WDR64: variants seen among roughly 807,000 people sequenced by gnomAD.
WDR64 encodes WD repeat-containing protein 64.
Under a neutral mutation model 139.3 loss-of-function variants are expected in WDR64, and 112 were observed. The ratio of observed to expected loss-of-function variants is 0.80; its 90% CI spans 0.69 to 0.94. WDR64 has a LOEUF of 0.94. Ranked by LOEUF, WDR64 falls within the 40% of genes least tolerant of loss-of-function variation. The probability of loss-of-function intolerance (pLI) is 0.00; values close to 1 mark genes in which losing one functional copy is unlikely to be tolerated. For synonymous variants in WDR64, 444 were observed against 437.7 expected, an observed-to-expected ratio of 1.01 and a Z score of -0.18; for missense variants, 1,206 against 1,293.1, an observed-to-expected ratio of 0.93 and a Z score of 1.03.
At chr1:241,790,742 A>C in intron 25 of WDR64, 46 bp downstream of exon 25, 1 of 1,408,860 alleles carries the variant, frequency 7.1e-7, no homozygotes, top group Non-Finnish European at 9.7e-7. Context: ...CAACAACAAA[A>C]CCTTTGCTTT....
At chr1:241,795,667 G>T (rs915507431) in intron 26 of WDR64, among the ~76,000 whole-genome samples, 1 of 151,946 alleles carries the variant, frequency 6.6e-6, no homozygotes, top group Admixed American at 6.6e-5. Flanking sequence ...AAGCATCACT[G>T]GTCTCTCTAA....
At position 241,787,873 on chromosome 1, in the gene WDR64, T is replaced by C. The variant is rs770120386; in HGVS notation, c.2730T>C (p.His910=). ...SVRLWHALNG[H]YCGYFGQRRL... is the part of the protein sequence containing the mutation. ...GGCTCTGGCATGCCCTCAATGGACA[T>C]TATTGTGGATATTTTGGACAGCGAA... The change falls in exon 24 of 28, where the codon CAT becomes CAC. Residue 910 remains histidine, a synonymous_variant. Coordinates refer to ENST00000437684, the MANE Select transcript of WDR64 (RefSeq NM_001367482.1). The C allele has an allele frequency of 1.1e-5, 17 of 1,602,696 alleles. No homozygotes were observed. Among genetic ancestry groups the C allele is most frequent in the African/African-American group, 4.1e-5 (3 of 74,066 alleles).
chr1:241,738,257 T>C (rs1290451799), intron 10 of WDR64, 106 bp from the exon 11 acceptor site: 41 of 1,334,084 alleles, frequency 3.1e-5, no homozygotes, highest in Non-Finnish European at 3.8e-5. Flanking sequence ...AATACTTTGG[T>C]ATAAGTTTAT....
chr1:241,706,785 A>AT (rs1178880838), intron 8 of WDR64, among the ~76,000 whole-genome samples: 7 of 152,248 alleles, frequency 4.6e-5, no homozygotes, highest in Non-Finnish European at 7.4e-5. Flanking sequence ...TAAAAATCAA[A>AT]TTTTTTCAGG....
At chr1:241,715,083 G>GT (rs1366581153) in intron 9 of WDR64, among the ~76,000 whole-genome samples, 1 of 152,172 alleles carries the variant, frequency 6.6e-6, no homozygotes, top group Non-Finnish European at 1.5e-5. Flanking sequence ...TAAGACTCAA[G>GT]TGAGGACATG....
chr1:241,762,397 ACCT>A (rs1383104813), intron 15 of WDR64, among the ~76,000 whole-genome samples: 1 of 152,050 alleles, frequency 6.6e-6, no homozygotes, highest in East Asian at 1.9e-4. Flanking sequence ...ATATGCTTAC[ACCT>A]CCTCAACAAG....
chr1:241,757,392 G>A lies in WDR64; in HGVS notation c.1880G>A (p.Arg627Lys), dbSNP rs745684880. The A allele has an allele frequency of 1.2e-6, 2 of 1,614,004 alleles. No individual in the cohort carries two copies. The highest frequency in any genetic ancestry group is 3.3e-5 in the Admixed American group (2 of 60,008). Residue 627 changes from arginine to lysine, a missense_variant, in exon 15 of 28, where the codon AGG (arginine) becomes AAG (lysine). By Grantham distance (26) the Arg-to-Lys change is conservative (BLOSUM62 2). Coordinates refer to ENST00000437684, the MANE Select transcript of WDR64 (RefSeq NM_001367482.1). The part of the protein sequence containing the change: ...AVHLRMSTRD[R>K]NMAIPFPDVE... Reference sequence around the variant, plus strand: ...CATCTGAGAATGTCTACTAGAGACAGGAACATGGCTATTCCTTTCCCAGAT... The same window carrying A: ...CATCTGAGAATGTCTACTAGAGACAAGAACATGGCTATTCCTTTCCCAGAT...
At chr1:241,711,553 C>T (rs1232522705) in intron 8 of WDR64, among the ~76,000 whole-genome samples, 2 of 152,118 alleles carry the variant, frequency 1.3e-5, no homozygotes, top group African/African-American at 2.4e-5. Context: ...AACCACAAAC[C>T]CAGCATGGAG....
intron 2 of WDR64, among the ~76,000 whole-genome samples, chr1:241,667,799 G>GAAGTCCAGTTTGA (rs1666077141): frequency 6.6e-6 from 1 of 152,196 alleles, no homozygotes; most frequent in South Asian, 2.1e-4. Flanking sequence ...TTAGGAAAAT[G>GAAGTCCAGTTTGA]AGAGCCATAC....
At chr1:241,787,752 TG>T in intron 23 of WDR64, 96 bp from the exon 24 acceptor site, 1 of 1,042,264 alleles carries the variant, frequency 9.6e-7, no homozygotes, top group African/African-American at 1.7e-5. Flanking sequence ...AAATCCTTGA[TG>T]GACCAGCGCT....
At chr1:241,721,265 C>T (rs947235165) in intron 9 of WDR64, among the ~76,000 whole-genome samples, 1 of 152,114 alleles carries the variant, frequency 6.6e-6, no homozygotes, top group Non-Finnish European at 1.5e-5. Flanking sequence ...TTAGGACTGT[C>T]TTTGCTGTTC....
chr1:241,655,480 C>A (rs192916348), intron 1 of WDR64, among the ~76,000 whole-genome samples: 1 of 152,222 alleles, frequency 6.6e-6, no homozygotes, highest in South Asian at 2.1e-4. Flanking sequence ...TATCAATGTG[C>A]CATATTCCTG....
chr1:241,780,127 G>T, intron 22 of WDR64, 65 bp downstream of exon 22: 1 of 1,296,986 alleles, frequency 7.7e-7, no homozygotes, highest in Non-Finnish European at 1.1e-6. Context: ...ATTTCTCTGT[G>T]CTAGACACCA....
At chr1:241,791,530 G>A (rs1443474612) in intron 25 of WDR64, among the ~76,000 whole-genome samples, 1 of 152,054 alleles carries the variant, frequency 6.6e-6, no homozygotes, top group Non-Finnish European at 1.5e-5. Context: ...AAGTAGCGGG[G>A]CATGGTGACA....
chr1:241,720,476 A>C (rs1223280352), intron 9 of WDR64, among the ~76,000 whole-genome samples: 1 of 152,066 alleles, frequency 6.6e-6, no homozygotes, highest in Admixed American at 6.6e-5. Flanking sequence ...TTGTTTCTGG[A>C]CTTTTTAATA....
intron 23 of WDR64, among the ~76,000 whole-genome samples, chr1:241,786,647 T>C (rs1659047419): frequency 6.6e-6 from 1 of 152,172 alleles, no homozygotes; most frequent in South Asian, 2.1e-4. Context: ...TTGATAATAG[T>C]AAAAGCAGCA....
intron 15 of WDR64, among the ~76,000 whole-genome samples, chr1:241,762,352 T>C (rs1204329314): frequency 6.6e-6 from 1 of 152,176 alleles, no homozygotes; most frequent in African/African-American, 2.4e-5. Flanking sequence ...ATTCAACAAC[T>C]TAATTTAACA....
intron 8 of WDR64, among the ~76,000 whole-genome samples, chr1:241,689,965 T>A (rs1295002942): frequency 2.1e-4 from 32 of 150,474 alleles, no homozygotes; most frequent in African/African-American, 7.8e-4. Flanking sequence ...TGGGCAACTG[T>A]GAAAAGTGTA....
intron 27 of WDR64, among the ~76,000 whole-genome samples, chr1:241,800,160 T>C (rs1659480492): frequency 6.6e-6 from 1 of 152,192 alleles, no homozygotes. Context: ...TTCCCTCTGC[T>C]GGGGTTTAGC....
Sources: gnomAD v4.1 joint callset for allele counts (sites outside exome capture counted in the v4.1 genomes callset) on GRCh38, gnomAD v4.1.1 for gene constraint, MANE v1.5 for transcripts, NCBI Gene and HGNC (gene_info 2026-07-23, HGNC 2026-07-21) for gene names.